NAALADL2: variants seen among roughly 807,000 people sequenced by gnomAD.
NAALADL2 encodes N-acetylated alpha-linked acidic dipeptidase like 2, also known as inactive N-acetylated-alpha-linked acidic dipeptidase-like protein 2.
A neutral mutation model predicts 87.2 loss-of-function variants in NAALADL2; 76 were observed. The observed-to-expected ratio is 0.87, with a 90% confidence interval of 0.72 to 1.05. The LOEUF (loss-of-function observed/expected upper bound fraction) is 1.05, where lower values mean the gene tolerates loss of function less well. NAALADL2 is among the 50% of genes least tolerant of loss of function. The pLI, the probability that NAALADL2 is intolerant of heterozygous loss-of-function variation, is 0.00. For missense variants in NAALADL2, 1,089 were observed against 945.8 expected (o/e 1.15, Z -1.99); for synonymous variants, 354 against 331.0 (o/e 1.07, Z -0.75).
intron 9 of NAALADL2, among the ~76,000 whole-genome samples, chr3:175,479,835 G>A (rs1582063865): frequency 6.6e-6 from 1 of 151,776 alleles, no homozygotes; most frequent in East Asian, 1.9e-4. Context: ...AAATTGAGCA[G>A]CAGAACATTA....
chr3:174,855,117 G>A (rs1263547287), upstream of NAALADL2, among the ~76,000 whole-genome samples: 1 of 152,104 alleles, frequency 6.6e-6, no homozygotes, highest in Non-Finnish European at 1.5e-5. Flanking sequence ...AGGATTACAG[G>A]CGTGAGTCAC....
chr3:175,160,360 C>CTTTCTTTT (rs1732976373), intron 2 of NAALADL2, among the ~76,000 whole-genome samples: 5 of 57,034 alleles, frequency 8.8e-5, no homozygotes, highest in African/African-American at 2.7e-4. Flanking sequence ...TCTTTTCTTT[C>CTTTCTTTT]TTTTTTTTTT....
chr3:174,524,134 A>G (rs1036209567), intron 1 of NAALADL2, among the ~76,000 whole-genome samples: 1 of 152,192 alleles, frequency 6.6e-6, no homozygotes. Flanking sequence ...TATATCATGT[A>G]TTAAAAATTT....
intron 1 of NAALADL2, among the ~76,000 whole-genome samples, chr3:175,034,934 A>C (rs1207009160): frequency 6.6e-6 from 1 of 152,206 alleles, no homozygotes; most frequent in Non-Finnish European, 1.5e-5. Context: ...TCTCATTAAA[A>C]TATAACCTCA....
chr3:174,784,998 TTTTAA>T (rs1363906880), intron 3 of NAALADL2, among the ~76,000 whole-genome samples: 1 of 152,136 alleles, frequency 6.6e-6, no homozygotes, highest in African/African-American at 2.4e-5. Flanking sequence ...CTTTTGTCCT[TTTTAA>T]TTTAATTTTT....
intron 2 of NAALADL2, among the ~76,000 whole-genome samples, chr3:174,691,508 G>A (rs1158977724): frequency 6.6e-6 from 1 of 152,056 alleles, no homozygotes; most frequent in East Asian, 1.9e-4. Flanking sequence ...ATTTTTGTTG[G>A]TGGAGAGTCT....
At chr3:175,144,495 A>T (rs1218568864) in intron 2 of NAALADL2, among the ~76,000 whole-genome samples, 1 of 151,936 alleles carries the variant, frequency 6.6e-6, no homozygotes, top group Non-Finnish European at 1.5e-5. Context: ...TAAAGTGTAA[A>T]ACACTTTATA....
intron 11 of NAALADL2, among the ~76,000 whole-genome samples, chr3:175,709,784 C>T (rs892619616): frequency 6.6e-6 from 1 of 152,028 alleles, no homozygotes; most frequent in Non-Finnish European, 1.5e-5. Flanking sequence ...ACAAAACCCC[C>T]AAACAGCCTG....
intron 1 of NAALADL2, among the ~76,000 whole-genome samples, chr3:174,956,340 A>G (rs1741147605): frequency 6.6e-6 from 1 of 152,086 alleles, no homozygotes. Flanking sequence ...TGGCAGAATG[A>G]TGTCTAAAAA....
rs573711020 is a variant in NAALADL2 at position 175,096,938 on chromosome 3, C to T, written c.192C>T (p.Phe64=). ...TAGAGGAGTCTGGTTTTGACCAATT[C>T]CAGCTAGACGGTGCTGAGAATCAGA... ...KELEESGFDQ[F]QLDGAENQNL... is the part of the protein sequence containing the mutation. Residue 64 remains phenylalanine (F), a synonymous_variant, in exon 2 of 14, where the codon TTC becomes TTT. Coordinates refer to ENST00000454872, the MANE Select transcript of NAALADL2 (RefSeq NM_207015.3). The T allele has an allele frequency of 1.1e-5, 17 of 1,613,274 alleles. No individual in the cohort carries two copies. The Admixed American group carries it at 2.5e-4, about 24-fold the overall frequency.
At chr3:174,495,187 T>A (rs1718443910) in intron 1 of NAALADL2, among the ~76,000 whole-genome samples, 1 of 150,750 alleles carries the variant, frequency 6.6e-6, no homozygotes, top group Non-Finnish European at 1.5e-5. Flanking sequence ...ATTTGTAAAT[T>A]CAGAGCCATT....
intron 1 of NAALADL2, among the ~76,000 whole-genome samples, chr3:175,022,416 C>A (rs1480114064): frequency 1.3e-5 from 2 of 151,940 alleles, no homozygotes; most frequent in Admixed American, 1.3e-4. Context: ...AATTACCTGA[C>A]AAATGGATTC....
chr3:175,424,284 T>G (rs1716405672), intron 5 of NAALADL2, among the ~76,000 whole-genome samples: 1 of 152,232 alleles, frequency 6.6e-6, no homozygotes, highest in Non-Finnish European at 1.5e-5. Flanking sequence ...TTGTCAATTT[T>G]GGCTTTTGTT....
At chr3:174,847,815 A>G (rs1228609538) in intron 3 of NAALADL2, among the ~76,000 whole-genome samples, 1 of 149,714 alleles carries the variant, frequency 6.7e-6, no homozygotes, top group African/African-American at 2.4e-5. Context: ...AAAAAAAAAA[A>G]AAGCACATCC....
At chr3:174,611,745 C>T (rs1719913634) in intron 2 of NAALADL2, among the ~76,000 whole-genome samples, 1 of 151,746 alleles carries the variant, frequency 6.6e-6, no homozygotes, top group South Asian at 2.1e-4. Context: ...TGCATGCCGC[C>T]ACGCCTGGCT....
intron 3 of NAALADL2, among the ~76,000 whole-genome samples, chr3:174,773,576 C>A (rs1714841270): frequency 6.6e-6 from 1 of 152,076 alleles, no homozygotes; most frequent in South Asian, 2.1e-4. Context: ...TGGTGTGTGC[C>A]TTCAAGATAT....
intron 2 of NAALADL2, among the ~76,000 whole-genome samples, chr3:175,173,438 G>T (rs1251281775): frequency 6.6e-6 from 1 of 152,132 alleles, no homozygotes; most frequent in African/African-American, 2.4e-5. Flanking sequence ...GGAGGCAGGG[G>T]TTGCAGTGAG....
At chr3:175,377,965 C>A (rs1767354604) in intron 5 of NAALADL2, among the ~76,000 whole-genome samples, 1 of 151,986 alleles carries the variant, frequency 6.6e-6, no homozygotes, top group Non-Finnish European at 1.5e-5. Flanking sequence ...TACCATCATT[C>A]AAATCATTCC....
chr3:175,426,002 A>C (rs1716713789), intron 5 of NAALADL2, among the ~76,000 whole-genome samples: 1 of 152,140 alleles, frequency 6.6e-6, no homozygotes, highest in African/African-American at 2.4e-5. Context: ...GTAATCATGG[A>C]GTCTGTCAGA....
Sources: gnomAD v4.1 joint callset for allele counts (sites outside exome capture counted in the v4.1 genomes callset) on GRCh38, gnomAD v4.1.1 for gene constraint, MANE v1.5 for transcripts, NCBI Gene and HGNC (gene_info 2026-07-23, HGNC 2026-07-21) for gene names.